Variants in NSUN6 observed in about 807,000 individuals in gnomAD.
NSUN6 encodes the protein NOP2/Sun RNA methyltransferase 6, also known as tRNA (cytosine(72)-C(5))-methyltransferase NSUN6.
NSUN6 carries 64 observed loss-of-function variants against 58.0 expected under a neutral mutation model. That is an observed-to-expected ratio of 1.10 (90% CI 0.90 to 1.36). The LOEUF (loss-of-function observed/expected upper bound fraction) is 1.36. NSUN6 is among the 40% of genes most tolerant of loss of function. NSUN6 has a pLI of 0.00. For missense variants in NSUN6, 701 were observed against 550.1 expected (o/e 1.27, Z -2.74); for synonymous variants, 231 against 193.9 (o/e 1.19, Z -1.59).
chr10:18,657,706 C>T (rs1346898340), upstream of NSUN6, among the ~76,000 whole-genome samples: 4 of 152,016 alleles, frequency 2.6e-5, no homozygotes, highest in Non-Finnish European at 1.5e-5. Flanking sequence ...CTCTGCCTCC[C>T]AGGTTCAAGC....
At chr10:18,591,145 G>A (rs918321617) in intron 7 of NSUN6, among the ~76,000 whole-genome samples, 1 of 152,032 alleles carries the variant, frequency 6.6e-6, no homozygotes, top group Non-Finnish European at 1.5e-5. Flanking sequence ...AGAAGAAATG[G>A]ATAAATTCCT....
At chr10:18,553,269 A>T (rs544617672) in intron 8 of NSUN6, among the ~76,000 whole-genome samples, 4 of 148,562 alleles carry the variant, frequency 2.7e-5, no homozygotes, top group African/African-American at 9.9e-5. Flanking sequence ...CATCCTCCAT[A>T]CCATTCCATT....
chr10:18,565,634 T>C (rs1268660947), intron 8 of NSUN6, among the ~76,000 whole-genome samples: 1 of 151,002 alleles, frequency 6.6e-6, no homozygotes, highest in Admixed American at 6.6e-5. Context: ...CATTTTCCAT[T>C]CCATTCTCCA....
chr10:18,647,946 C>T (rs1276363993), intron 2 of NSUN6, among the ~76,000 whole-genome samples: 1 of 152,080 alleles, frequency 6.6e-6, no homozygotes, highest in African/African-American at 2.4e-5. Context: ...GCCATACTGG[C>T]CAGGCTGGTC....
At chr10:18,587,203 T>C (rs932423050) in intron 7 of NSUN6, among the ~76,000 whole-genome samples, 6 of 152,224 alleles carry the variant, frequency 3.9e-5, no homozygotes, top group Non-Finnish European at 7.3e-5. Context: ...ACCAATTTGA[T>C]GTGCCTTGCT....
At chr10:18,652,214 A>G, upstream of NSUN6, 1 of 984,818 alleles carries the variant, frequency 1.0e-6, no homozygotes, top group South Asian at 4.7e-5. Context: ...GACCCTCGCC[A>G]TTATTTTTTT....
At chr10:18,571,482 T>C (rs1446512789) in intron 8 of NSUN6, among the ~76,000 whole-genome samples, 7 of 151,290 alleles carry the variant, frequency 4.6e-5, no homozygotes, top group Non-Finnish European at 1.0e-4. Context: ...CTCCATTCCA[T>C]TCCCTTCCCC....
chr10:18,581,113 C>T (rs2056884694), intron 8 of NSUN6, among the ~76,000 whole-genome samples: 1 of 152,056 alleles, frequency 6.6e-6, no homozygotes, highest in South Asian at 2.1e-4. Flanking sequence ...GGGCTGCCAG[C>T]ATGGACAGTG....
At chr10:18,650,157 A>G (rs2059662775) in intron 1 of NSUN6, among the ~76,000 whole-genome samples, 1 of 152,168 alleles carries the variant, frequency 6.6e-6, no homozygotes, top group Admixed American at 6.5e-5. Context: ...CAAAATTAAC[A>G]TTTTTTGAAG....
chr10:18,634,315 G>C (rs531533161), intron 3 of NSUN6, among the ~76,000 whole-genome samples: 1 of 152,314 alleles, frequency 6.6e-6, no homozygotes, highest in Non-Finnish European at 1.5e-5. Flanking sequence ...TAGAAGCAGA[G>C]ATAAGTAATA....
chr10:18,631,062 A>C (rs1238625883), intron 3 of NSUN6, among the ~76,000 whole-genome samples: 1 of 152,102 alleles, frequency 6.6e-6, no homozygotes, highest in Admixed American at 6.6e-5. Flanking sequence ...ACCATGATCA[A>C]GTGGGCTTCA....
At chr10:18,649,849 A>G (rs1395661159) in intron 1 of NSUN6, among the ~76,000 whole-genome samples, 3 of 152,160 alleles carry the variant, frequency 2.0e-5, no homozygotes, top group South Asian at 4.1e-4. Context: ...TATGTGCCTT[A>G]TATTTTAAGT....
chr10:18,609,262 G>C (rs184203122), intron 6 of NSUN6, among the ~76,000 whole-genome samples: 1 of 152,058 alleles, frequency 6.6e-6, no homozygotes, highest in Non-Finnish European at 1.5e-5. Context: ...AGTGAGCTAC[G>C]ATTGTACCAC....
intron 8 of NSUN6, among the ~76,000 whole-genome samples, chr10:18,583,896 T>C (rs1197527576): frequency 6.6e-6 from 1 of 152,220 alleles, no homozygotes; most frequent in East Asian, 1.9e-4. Flanking sequence ...TGTTCTCTTC[T>C]CCCCTTTCCC....
intron 3 of NSUN6, among the ~76,000 whole-genome samples, chr10:18,634,036 G>C (rs1466367653): frequency 1.3e-5 from 2 of 152,190 alleles, no homozygotes; most frequent in African/African-American, 2.4e-5. Context: ...GATCCTTCTT[G>C]AGCAAACTGC....
chr10:18,587,151 A>G (rs2057187187), intron 7 of NSUN6, among the ~76,000 whole-genome samples: 2 of 152,218 alleles, frequency 1.3e-5, no homozygotes, highest in Non-Finnish European at 2.9e-5. Flanking sequence ...CAATCTTCGA[A>G]AGACACTTAA....
intron 6 of NSUN6, among the ~76,000 whole-genome samples, chr10:18,599,940 TAA>T (rs36092550): frequency 0.11 from 16,816 of 152,254 alleles, 1,276 homozygotes; most frequent in Admixed American, 0.17. Context: ...TTAAGCAATT[TAA>T]AAGTTTCCTT....
At chr10:18,622,185 A>C (rs12769425) in intron 3 of NSUN6, among the ~76,000 whole-genome samples, 31,846 of 152,060 alleles carry the variant, frequency 0.21, 3,675 homozygotes, top group South Asian at 0.31. Context: ...TTCAGGGGTA[A>C]TTAGTTATGA....
intron 6 of NSUN6, among the ~76,000 whole-genome samples, chr10:18,598,914 G>A (rs951079735): frequency 1.3e-5 from 2 of 152,128 alleles, no homozygotes; most frequent in Non-Finnish European, 2.9e-5. Context: ...TAATGGATTG[G>A]CCAAAGATTA....
Sources: gnomAD v4.1 joint callset for allele counts (sites outside exome capture counted in the v4.1 genomes callset) on GRCh38, gnomAD v4.1.1 for gene constraint, MANE v1.5 for transcripts, NCBI Gene and HGNC (gene_info 2026-07-23, HGNC 2026-07-21) for gene names.